SH3RF3: variants seen among roughly 807,000 people sequenced by gnomAD.
The protein encoded by SH3RF3 is SH3 domain containing ring finger 3, also known as E3 ubiquitin-protein ligase SH3RF3.
In SH3RF3, 29 loss-of-function variants were observed where a neutral mutation model predicts 66.3. The ratio of observed to expected loss-of-function variants is 0.44; its 90% CI spans 0.33 to 0.60. SH3RF3 has a LOEUF of 0.60. Ranked by LOEUF, SH3RF3 falls within the 20% of genes least tolerant of loss-of-function variation. The pLI is 0.04. For missense variants in SH3RF3, 1,194 were observed against 1,190.9 expected (o/e 1.00, Z -0.04); for synonymous variants, 583 against 532.0 (o/e 1.10, Z -1.32).
intron 1 of SH3RF3, among the ~76,000 whole-genome samples, chr2:109,151,198 CAG>C (rs1191804447): frequency 6.6e-6 from 1 of 152,194 alleles, no homozygotes; most frequent in African/African-American, 2.4e-5. Context: ...AATATGTGTC[CAG>C]TGGCCCAGGA....
intron 2 of SH3RF3, among the ~76,000 whole-genome samples, chr2:109,351,683 T>C (rs930417302): frequency 2.0e-5 from 3 of 152,196 alleles, no homozygotes; most frequent in Non-Finnish European, 4.4e-5. Context: ...CCGCTGATCA[T>C]GGAATCACTT....
chr2:109,416,537 A>C (rs940509884), intron 4 of SH3RF3, among the ~76,000 whole-genome samples: 51 of 152,228 alleles, frequency 3.4e-4, no homozygotes, highest in African/African-American at 1.1e-3. Flanking sequence ...GGCGTGCGCC[A>C]TCATGCCTGG....
intron 1 of SH3RF3, among the ~76,000 whole-genome samples, chr2:109,331,256 C>A (rs1015823238): frequency 6.6e-6 from 1 of 152,134 alleles, no homozygotes; most frequent in Admixed American, 6.5e-5. Context: ...ACCCGCCTGT[C>A]CCGCAGGGCT....
intron 1 of SH3RF3, among the ~76,000 whole-genome samples, chr2:109,276,167 T>A (rs568530381): frequency 6.6e-6 from 1 of 152,286 alleles, no homozygotes; most frequent in African/African-American, 2.4e-5. Flanking sequence ...GAGCAGGCAT[T>A]CAACTTAAGA....
At chr2:109,485,251 A>G (rs1678938508) in intron 8 of SH3RF3, among the ~76,000 whole-genome samples, 1 of 152,254 alleles carries the variant, frequency 6.6e-6, no homozygotes, top group South Asian at 2.1e-4. Context: ...TGGGACAGCC[A>G]CCTGTCTCCA....
intron 1 of SH3RF3, among the ~76,000 whole-genome samples, chr2:109,332,993 GC>G (rs1682322868): frequency 6.6e-6 from 1 of 152,252 alleles, no homozygotes; most frequent in Admixed American, 6.5e-5. Context: ...AGACAGCCTA[GC>G]CTGCTGGGTC....
intron 9 of SH3RF3, among the ~76,000 whole-genome samples, chr2:109,498,593 T>A (rs1486066561): frequency 6.6e-6 from 1 of 152,190 alleles, no homozygotes; most frequent in Admixed American, 6.5e-5. Context: ...CAGACACCAA[T>A]GTGCAAGCAT....
intron 1 of SH3RF3, among the ~76,000 whole-genome samples, chr2:109,189,384 T>C (rs1449062906): frequency 2.0e-5 from 3 of 151,432 alleles, no homozygotes; most frequent in Non-Finnish European, 2.9e-5. Flanking sequence ...TTTTTTTTCT[T>C]TTTTTTGAGA....
rs556444423 is a variant in SH3RF3 at position 109,462,510 on chromosome 2, G to A, written c.2148+13021G>A. Among the ~76,000 whole-genome samples, 3 of 152,256 alleles carry A rather than the reference G, an allele frequency of 2.0e-5. No homozygotes were observed. The South Asian group carries it at 6.2e-4, about 32-fold the overall frequency. ...TCTCTTCTGCACCGGCCAAACAGGA[G>A]AGTTGAATAGGGATGTGGTGAGAAT... On this transcript the variant is annotated intron_variant, in intron 8 of 9. Transcript: ENST00000309415.
Position 109,441,132 on chromosome 2 carries a change from C to CAAAAA in SH3RF3, c.1828+3996_1828+4000dup, listed in dbSNP as rs55649222. ...AAGCTTAAGAATATTTATAGGAATA[C>CAAAAA]AAAAAAAAAAAAAATTCCAGCTCTC... On this transcript the variant is annotated intron_variant, in intron 7 of 9. Coordinates refer to ENST00000309415, the MANE Select transcript of SH3RF3 (RefSeq NM_001099289.3). 2.4e-3 allele frequency among the ~76,000 whole-genome samples: 323 copies of CAAAAA among 134,044 alleles called. 4 individuals carry two copies. Among genetic ancestry groups the CAAAAA allele is most frequent in the South Asian group, 5.6e-3 (23 of 4,120 alleles). 87.9% of individuals were successfully genotyped at this position (134,044 alleles called of 152,430 possible).
intron 1 of SH3RF3, among the ~76,000 whole-genome samples, chr2:109,136,207 G>T (rs1229288168): frequency 6.6e-6 from 1 of 151,352 alleles, no homozygotes; most frequent in Non-Finnish European, 1.5e-5. Context: ...CAGTTAACAT[G>T]ATCTTTTTTG....
chr2:109,272,859 C>T (rs1006697956), intron 1 of SH3RF3, among the ~76,000 whole-genome samples: 15 of 152,188 alleles, frequency 9.9e-5, no homozygotes, highest in African/African-American at 2.2e-4. Context: ...GGTGTTCTGT[C>T]GGCAAACGTT....
intron 1 of SH3RF3, among the ~76,000 whole-genome samples, chr2:109,241,119 A>G (rs1679771254): frequency 6.6e-6 from 1 of 152,250 alleles, no homozygotes; most frequent in South Asian, 2.1e-4. Flanking sequence ...ATTGTCTAGT[A>G]AGTTAATACA....
chr2:109,249,221 C>G (rs181610186), intron 1 of SH3RF3, among the ~76,000 whole-genome samples: 111 of 152,338 alleles, frequency 7.3e-4, no homozygotes, highest in Admixed American at 3.7e-3. Flanking sequence ...CAACTCCCCC[C>G]CGACTCCTAC....
intron 1 of SH3RF3, among the ~76,000 whole-genome samples, chr2:109,165,950 T>C (rs961906405): frequency 1.3e-5 from 2 of 152,230 alleles, no homozygotes; most frequent in African/African-American, 4.8e-5. Context: ...TGTCTGACTT[T>C]AGCTCTGTCT....
At chr2:109,495,231 G>C (rs1228102009) in intron 9 of SH3RF3, among the ~76,000 whole-genome samples, 2 of 152,228 alleles carry the variant, frequency 1.3e-5, no homozygotes, top group African/African-American at 4.8e-5. Flanking sequence ...GGGAAATGCA[G>C]GCAGCAAATG....
chr2:109,485,520 A>G (rs1212442696), intron 8 of SH3RF3, among the ~76,000 whole-genome samples: 1 of 152,256 alleles, frequency 6.6e-6, no homozygotes, highest in East Asian at 1.9e-4. Flanking sequence ...TAAACAGTTA[A>G]GGCCCCTAGA....
chr2:109,403,808 C>T (rs2104458334), intron 4 of SH3RF3, among the ~76,000 whole-genome samples: 1 of 152,328 alleles, frequency 6.6e-6, no homozygotes, highest in East Asian at 1.9e-4. Context: ...CTTGCACCTG[C>T]AACCTTGGGT....
At chr2:109,261,070 G>A (rs1680342544) in intron 1 of SH3RF3, among the ~76,000 whole-genome samples, 1 of 152,184 alleles carries the variant, frequency 6.6e-6, no homozygotes, top group African/African-American at 2.4e-5. Flanking sequence ...TTGGCCTGAA[G>A]TGTCTTACAC....
Sources: allele counts gnomAD v4.1 joint callset (sites outside exome capture counted in the v4.1 genomes callset), GRCh38; gene constraint gnomAD v4.1.1; transcripts MANE v1.5; gene names NCBI Gene and HGNC (gene_info 2026-07-23, HGNC 2026-07-21).